DPP6: variants seen among roughly 807,000 people sequenced by gnomAD.
The protein encoded by DPP6 is A-type potassium channel modulatory protein DPP6.
A neutral mutation model predicts 122.6 loss-of-function variants in DPP6; 69 were observed. The ratio of observed to expected loss-of-function variants is 0.56; its 90% confidence interval spans 0.46 to 0.69. The LOEUF (loss-of-function observed/expected upper bound fraction) is 0.69. DPP6 is among the 30% of genes least tolerant of loss of function. The pLI is 0.00. For missense variants in DPP6, 928 were observed against 1,116.9 expected (o/e 0.83, Z 2.41); for synonymous variants, 418 against 433.1 (o/e 0.97, Z 0.43).
At chr7:154,640,590 A>G (rs1042453389) in intron 6 of DPP6, among the ~76,000 whole-genome samples, 2 of 152,202 alleles carry the variant, frequency 1.3e-5, no homozygotes, top group African/African-American at 4.8e-5. Flanking sequence ...TTAATGAGAC[A>G]GTGGATCTCT....
At chr7:153,806,132 A>G in the DPP6 span, among the ~76,000 whole-genome samples, 1 of 151,794 alleles carries the variant, frequency 6.6e-6, no homozygotes, top group Non-Finnish European at 1.5e-5. Flanking sequence ...TCAGAACATT[A>G]AGGTGCCTTT....
intron 5 of DPP6, among the ~76,000 whole-genome samples, chr7:154,608,342 T>TATATATATATATATATATATATATA (rs59731169): frequency 9.4e-4 from 120 of 127,306 alleles, no homozygotes; most frequent in Non-Finnish European, 1.4e-3. Context: ...TATATATATA[T>TATATATATATATATATATATATATA]TTTGAGATGG....
At chr7:153,776,906 G>T in the DPP6 span, among the ~76,000 whole-genome samples, 1 of 152,278 alleles carries the variant, frequency 6.6e-6, no homozygotes, top group African/African-American at 2.4e-5. Context: ...TCAGTAAAAT[G>T]GACTTTGTTA....
rs551423638 is a variant in DPP6 at position 153,937,704 on chromosome 7, C to T, written c.51+49970C>T. ...CTCAAGTGACCATCTGCCTCGCCCT[C>T]CCAGAGTGCTGGAATTACAGGCATG... On this transcript the variant is annotated intron_variant, in intron 1 of 25. Transcript: ENST00000404039. Among the ~76,000 whole-genome samples, 47 of 152,284 alleles carry T rather than the reference C, an allele frequency of 3.1e-4. 1 individual carries two copies. The South Asian group carries it at 8.9e-3, about 29-fold the overall frequency.
At chr7:154,532,751 TTAAA>T (rs1440686899) in intron 3 of DPP6, among the ~76,000 whole-genome samples, 1 of 151,900 alleles carries the variant, frequency 6.6e-6, no homozygotes, top group Non-Finnish European at 1.5e-5. Context: ...ATTAATATTT[TTAAA>T]TAAATAATTT....
intron 23 of DPP6, 123 bp downstream of exon 23, chr7:154,887,857 A>G: frequency 9.0e-7 from 1 of 1,115,348 alleles, no homozygotes; most frequent in South Asian, 1.2e-5. Flanking sequence ...CCTCACCAGC[A>G]CCAAAGCCCA....
intron 1 of DPP6, among the ~76,000 whole-genome samples, chr7:153,960,282 A>G (rs553410457): frequency 6.6e-6 from 1 of 152,184 alleles, no homozygotes; most frequent in Non-Finnish European, 1.5e-5. Context: ...CATTTTACCC[A>G]CAGTAGAACT....
chr7:153,953,068 C>A (rs1802295509), intron 1 of DPP6, among the ~76,000 whole-genome samples: 1 of 152,162 alleles, frequency 6.6e-6, no homozygotes, highest in African/African-American at 2.4e-5. Context: ...TTATCTCCAG[C>A]CTGCAGCAGT....
At chr7:154,304,561 G>A (rs759289962) in intron 1 of DPP6, among the ~76,000 whole-genome samples, 2 of 151,074 alleles carry the variant, frequency 1.3e-5, no homozygotes, top group Non-Finnish European at 2.9e-5. Flanking sequence ...ACACAGGCTG[G>A]AATGTTTTTT....
At chr7:154,395,651 G>A (rs573433973) in intron 1 of DPP6, among the ~76,000 whole-genome samples, 11 of 152,172 alleles carry the variant, frequency 7.2e-5, no homozygotes, top group Admixed American at 1.3e-4. Flanking sequence ...TTTAAAAAAT[G>A]GGATCCTTAA....
chr7:154,152,526 A>G (rs990221554), intron 1 of DPP6, among the ~76,000 whole-genome samples: 3 of 152,154 alleles, frequency 2.0e-5, no homozygotes, highest in Admixed American at 6.5e-5. Context: ...TATGGAAAAT[A>G]TTTCTTAGGA....
At chr7:153,987,024 T>G (rs1036634766) in intron 1 of DPP6, among the ~76,000 whole-genome samples, 1 of 152,248 alleles carries the variant, frequency 6.6e-6, no homozygotes, top group African/African-American at 2.4e-5. Flanking sequence ...CGGTTTGGTT[T>G]GAATTGTTTC....
chr7:154,836,421 G>A (rs987991818), intron 16 of DPP6, among the ~76,000 whole-genome samples: 2 of 152,228 alleles, frequency 1.3e-5, no homozygotes, highest in Admixed American at 6.5e-5. Flanking sequence ...TTTTGAGATC[G>A]AACAGCTGTT....
At chr7:154,634,935 T>C (rs1835647306) in intron 5 of DPP6, among the ~76,000 whole-genome samples, 1 of 152,128 alleles carries the variant, frequency 6.6e-6, no homozygotes, top group South Asian at 2.1e-4. Context: ...ATTAAAGCAA[T>C]GGACCTTCAA....
chr7:153,958,172 A>G (rs1443929429), intron 1 of DPP6, among the ~76,000 whole-genome samples: 4 of 152,060 alleles, frequency 2.6e-5, no homozygotes, highest in African/African-American at 9.7e-5. Flanking sequence ...TTAAAAACAA[A>G]CAAAAAAACA....
the DPP6 span, among the ~76,000 whole-genome samples, chr7:153,834,291 T>C: frequency 1.4e-5 from 2 of 143,382 alleles, no homozygotes; most frequent in African/African-American, 5.3e-5. Context: ...AAAAAAAAAG[T>C]AAGTACATCC....
intron 1 of DPP6, among the ~76,000 whole-genome samples, chr7:154,245,474 A>C (rs2150884142): frequency 6.6e-6 from 1 of 151,674 alleles, no homozygotes; most frequent in East Asian, 2.0e-4. Context: ...GTCTCTACTA[A>C]AAATACAAAA....
chr7:154,653,608 T>C (rs28636956), intron 6 of DPP6, among the ~76,000 whole-genome samples: 18,378 of 149,496 alleles, frequency 0.12, 1,137 homozygotes, highest in East Asian at 0.16. Flanking sequence ...GATTGATTGA[T>C]AGATGATAGA....
At chr7:154,253,666 G>C (rs755745898) in intron 1 of DPP6, among the ~76,000 whole-genome samples, 1 of 152,216 alleles carries the variant, frequency 6.6e-6, no homozygotes, top group Non-Finnish European at 1.5e-5. Context: ...GATGATTGAT[G>C]ATGACAATGA....
Sources: gnomAD v4.1 joint callset for allele counts (sites outside exome capture counted in the v4.1 genomes callset) on GRCh38, gnomAD v4.1.1 for gene constraint, MANE v1.5 for transcripts, NCBI Gene and HGNC (gene_info 2026-07-23, HGNC 2026-07-21) for gene names.